VSTM5: variants seen among roughly 807,000 people sequenced by gnomAD.
The protein encoded by VSTM5 is V-set and transmembrane domain-containing protein 5.
VSTM5 carries 21 observed loss-of-function variants against 20.3 expected under a neutral mutation model. The observed-to-expected ratio is 1.03, with a 90% CI of 0.73 to 1.49. VSTM5 has a LOEUF of 1.49. Ranked by LOEUF, VSTM5 falls within the 40% of genes most tolerant of loss-of-function variation. VSTM5 has a pLI of 0.00. For synonymous variants in VSTM5, 100 were observed against 102.5 expected, an observed-to-expected ratio of 0.98 and a Z score of 0.14; for missense variants, 219 against 250.0, an observed-to-expected ratio of 0.88 and a Z score of 0.84.
chr11:93,825,066 T>C (rs1480908176), intron 1 of VSTM5, among the ~76,000 whole-genome samples: 5 of 152,218 alleles, frequency 3.3e-5, no homozygotes, highest in African/African-American at 9.6e-5. Context: ...TACTATAGCT[T>C]TGTAATTTAC....
Position 93,819,323 on chromosome 11 carries a change from C to G in VSTM5, c.*1246G>C, listed in dbSNP as rs925825753. 6.6e-6 allele frequency: 1 copy of G among 152,172 alleles called. No individual in the cohort carries two copies. The highest frequency in any genetic ancestry group is 1.5e-5 in the Non-Finnish European group (1 of 68,036). 9.4% of individuals were successfully genotyped at this position (152,172 alleles called of 1,614,324 possible). ...AATAAATCCATGCCTGCTTTTAGAG[C>G]TTGTCAAATGGAAGTTGGGATGGAG... On this transcript the variant is annotated 3_prime_UTR_variant, in exon 4 of 4. Transcript: ENST00000409977.
rs1555036039 is a variant in VSTM5, at chr11:93,818,531, G to GGC, written c.*2037_*2038insGC. 7 of 8,232 alleles carry GGC rather than the reference G, an allele frequency of 8.5e-4. No individual in the cohort carries two copies. The highest frequency in any genetic ancestry group is 7.5e-3 in the Admixed American group (2 of 268). The allele number at this position is 8,232 out of a possible 1,614,324, so 0.5% of individuals were successfully genotyped here. ...ATGTGAATAAACTGTCATGAGATTT[G>GGC]GGCGGGGGGGCAATTTAATTGACAT... On this transcript the variant is annotated 3_prime_UTR_variant, in exon 4 of 4. Transcript: ENST00000409977.
At chr11:93,830,894 A>G (rs542417987) in intron 1 of VSTM5, among the ~76,000 whole-genome samples, 1 of 151,878 alleles carries the variant, frequency 6.6e-6, no homozygotes, top group South Asian at 2.1e-4. Context: ...CTGGGACCAC[A>G]GGCGTATTGG....
chr11:93,838,701 A>G (rs1944344720), intron 1 of VSTM5, among the ~76,000 whole-genome samples: 3 of 149,632 alleles, frequency 2.0e-5, no homozygotes, highest in Admixed American at 1.3e-4. Context: ...GGAGGCTTAG[A>G]TGGGGAGGAT....
At chr11:93,838,916 C>T (rs182141239) in intron 1 of VSTM5, among the ~76,000 whole-genome samples, 335 of 152,348 alleles carry the variant, frequency 2.2e-3, no homozygotes, top group Admixed American at 5.9e-3. Context: ...TCCTTCCACT[C>T]AAGAAGCATT....
At chr11:93,846,376 T>C (rs1944410841) in intron 1 of VSTM5, among the ~76,000 whole-genome samples, 2 of 152,130 alleles carry the variant, frequency 1.3e-5, no homozygotes, top group African/African-American at 4.8e-5. Context: ...TTGTGTGACT[T>C]TCCAGTTGAC....
rs937914652 is a variant in VSTM5, at chr11:93,821,118, G to A, written c.297C>T (p.Thr99=). ...AGAGCTGGATGGAGCCGTTGTCAAA[G>A]GTGCAGACTCTGTCCTTGTGGCTTT... ...ISQSHKDRVC[T]FDNGSIQLFS... Residue 99 remains threonine (T), a synonymous_variant, in exon 2 of 4, where the codon ACC becomes ACT. Transcript: ENST00000409977. The A allele has an allele frequency of 6.4e-7, 1 of 1,552,044 alleles. No individual in the cohort carries two copies. The highest frequency in any genetic ancestry group is 1.4e-5 in the African/African-American group (1 of 73,154).
At chr11:93,822,644 T>A (rs976713403) in intron 1 of VSTM5, among the ~76,000 whole-genome samples, 9 of 152,000 alleles carry the variant, frequency 5.9e-5, no homozygotes, top group Non-Finnish European at 1.3e-4. Context: ...CATGCCAGGC[T>A]AAATTTTTTT....
intron 1 of VSTM5, among the ~76,000 whole-genome samples, chr11:93,835,303 G>T (rs1379458998): frequency 1.3e-5 from 2 of 152,008 alleles, no homozygotes; most frequent in African/African-American, 4.8e-5. Flanking sequence ...TACACCTGTA[G>T]TTGCAGCTAC....
At chr11:93,826,557 C>G (rs913911898) in intron 1 of VSTM5, among the ~76,000 whole-genome samples, 2 of 152,124 alleles carry the variant, frequency 1.3e-5, no homozygotes, top group South Asian at 4.1e-4. Context: ...ACCATAACAC[C>G]TGGCTAATTT....
intron 1 of VSTM5, among the ~76,000 whole-genome samples, chr11:93,831,822 G>A (rs1013167737): frequency 3.3e-5 from 5 of 152,108 alleles, no homozygotes; most frequent in African/African-American, 4.8e-5. Flanking sequence ...TATTATCACA[G>A]CCCAGTGAAA....
chr11:93,848,771 C>A (rs917825412), intron 1 of VSTM5, among the ~76,000 whole-genome samples: 1 of 152,186 alleles, frequency 6.6e-6, no homozygotes, highest in African/African-American at 2.4e-5. Flanking sequence ...CTGCTTCCTG[C>A]AGGGAGAGGG....
chr11:93,820,444 C>T lies in VSTM5; in HGVS notation c.*125G>A. On this transcript the variant is annotated 3_prime_UTR_variant, in exon 4 of 4. Transcript: ENST00000409977. ...TCCATGCAGTCAATGTTGTTAATCTCCCACTGTCCTGTTAGGAGCGGGCTG... is the reference window on the plus strand; with the variant it reads ...TCCATGCAGTCAATGTTGTTAATCTTCCACTGTCCTGTTAGGAGCGGGCTG... The T allele has an allele frequency of 1.0e-6, 1 of 987,624 alleles. No individual in the cohort carries two copies. Among genetic ancestry groups the T allele is most frequent in the South Asian group, 1.6e-5 (1 of 63,050 alleles). The allele number at this position is 987,624 out of a possible 1,614,324, so 61.2% of individuals were successfully genotyped here.
intron 1 of VSTM5, among the ~76,000 whole-genome samples, chr11:93,834,761 C>T (rs187279452): frequency 0.05 from 6,213 of 123,924 alleles, 439 homozygotes; most frequent in African/African-American, 0.18. Flanking sequence ...CCAGCCTGGG[C>T]GACAGAGTGA....
At chr11:93,834,377 A>G (rs796924703) in intron 1 of VSTM5, among the ~76,000 whole-genome samples, 10 of 152,164 alleles carry the variant, frequency 6.6e-5, no homozygotes, top group African/African-American at 2.4e-4. Flanking sequence ...CACCACACTC[A>G]CCAGCTGTTT....
chr11:93,825,773 T>C (rs1475321409), intron 1 of VSTM5, among the ~76,000 whole-genome samples: 1 of 151,772 alleles, frequency 6.6e-6, no homozygotes, highest in Non-Finnish European at 1.5e-5. Flanking sequence ...TTTTCTTTTT[T>C]TGTTGTTGTT....
At chr11:93,830,408 G>A (rs912268808) in intron 1 of VSTM5, among the ~76,000 whole-genome samples, 4 of 152,230 alleles carry the variant, frequency 2.6e-5, no homozygotes, top group Admixed American at 2.0e-4. Context: ...GAGAGAAGGG[G>A]TAGTAAGAAG....
rs970542484 is a variant in VSTM5, at chr11:93,850,264, C to T, written c.91+148G>A. 1.0e-5 allele frequency: 6 copies of T among 574,598 alleles called. No individual in the cohort carries two copies. In the East Asian group the frequency reaches 1.4e-4, roughly 13 times the overall value. The allele number at this position is 574,598 out of a possible 1,614,324, so 35.6% of individuals were successfully genotyped here. A position where few individuals can be genotyped will look rare whatever the true frequency, so the allele number is the denominator to read the frequency against. ...CGCCCAGCCCCACGAGGAAGCGGCGCGGTGCCTGCCAGCCGAGCTCACCGC... is the reference window on the plus strand; with the variant it reads ...CGCCCAGCCCCACGAGGAAGCGGCGTGGTGCCTGCCAGCCGAGCTCACCGC... On this transcript the variant is annotated intron_variant, in intron 1 of 3. Transcript: ENST00000409977.
intron 1 of VSTM5, among the ~76,000 whole-genome samples, chr11:93,823,192 C>G (rs779544156): frequency 4.4e-5 from 4 of 90,394 alleles, no homozygotes; most frequent in Non-Finnish European, 8.8e-5. Flanking sequence ...AGAGAAACCT[C>G]TTTTTCCTTT....
Sources: gnomAD v4.1 joint callset for allele counts (sites outside exome capture counted in the v4.1 genomes callset) on GRCh38, gnomAD v4.1.1 for gene constraint, MANE v1.5 for transcripts, NCBI Gene and HGNC (gene_info 2026-07-23, HGNC 2026-07-21) for gene names.